AUTS2: variants seen among roughly 807,000 people sequenced by gnomAD.
AUTS2 encodes autism susceptibility gene 2 protein.
AUTS2 carries 17 observed loss-of-function variants against 112.4 expected under a neutral mutation model. The observed-to-expected ratio is 0.15, with a 90% CI of 0.10 to 0.23. The LOEUF (loss-of-function observed/expected upper bound fraction) is 0.23, where lower values mean the gene tolerates loss of function less well. AUTS2 is among the 10% of genes least tolerant of loss of function. The pLI is 1.00. For missense variants in AUTS2, 1,510 were observed against 1,701.6 expected, an observed-to-expected ratio of 0.89 and a Z score of 1.98; for synonymous variants, 751 against 702.7, an observed-to-expected ratio of 1.07 and a Z score of -1.09.
At chr7:69,944,481 A>G (rs1796737122) in intron 2 of AUTS2, among the ~76,000 whole-genome samples, 1 of 152,144 alleles carries the variant, frequency 6.6e-6, no homozygotes, top group African/African-American at 2.4e-5. Flanking sequence ...GAAGACATAT[A>G]TATTTAGGGT....
At chr7:70,340,676 T>C (rs1025115843) in intron 4 of AUTS2, among the ~76,000 whole-genome samples, 1 of 152,216 alleles carries the variant, frequency 6.6e-6, no homozygotes. Flanking sequence ...TACTTGAACA[T>C]GTATGAATCT....
intron 4 of AUTS2, among the ~76,000 whole-genome samples, chr7:70,208,475 T>C (rs1020555469): frequency 3.9e-5 from 6 of 152,130 alleles, no homozygotes; most frequent in Non-Finnish European, 4.4e-5. Context: ...CTTTGTGTGT[T>C]GTGGGCAAAT....
At chr7:70,758,429 A>C (rs529602626) in intron 6 of AUTS2, among the ~76,000 whole-genome samples, 1 of 152,316 alleles carries the variant, frequency 6.6e-6, no homozygotes, top group Admixed American at 6.5e-5. Flanking sequence ...CATTTTCCCC[A>C]GGCAACTTGT....
chr7:69,736,369 CT>C (rs1787032676), intron 1 of AUTS2, among the ~76,000 whole-genome samples: 1 of 152,294 alleles, frequency 6.6e-6, no homozygotes, highest in Middle Eastern at 3.4e-3. Flanking sequence ...TTTGCTTTGA[CT>C]TGGGTATTTC....
chr7:70,524,873 G>A (rs933813936), intron 5 of AUTS2, among the ~76,000 whole-genome samples: 2 of 152,180 alleles, frequency 1.3e-5, no homozygotes, highest in Non-Finnish European at 2.9e-5. Flanking sequence ...CAGTGCAGAC[G>A]CCTCGATGAG....
intron 2 of AUTS2, among the ~76,000 whole-genome samples, chr7:70,099,179 C>G (rs1487561374): frequency 6.6e-6 from 1 of 152,134 alleles, no homozygotes; most frequent in Non-Finnish European, 1.5e-5. Flanking sequence ...CTTTCTCTCT[C>G]TTTTCCTTTC....
At chr7:70,683,530 A>G (rs1808310262) in intron 5 of AUTS2, among the ~76,000 whole-genome samples, 1 of 152,238 alleles carries the variant, frequency 6.6e-6, no homozygotes, top group South Asian at 2.1e-4. Context: ...CCCTAAAGGA[A>G]TGGCAGTGTC....
At chr7:70,593,081 C>T (rs1273844877) in intron 5 of AUTS2, among the ~76,000 whole-genome samples, 1 of 151,784 alleles carries the variant, frequency 6.6e-6, no homozygotes, top group African/African-American at 2.4e-5. Context: ...GAACTCCTGG[C>T]CTCAAGCGAT....
intron 2 of AUTS2, among the ~76,000 whole-genome samples, chr7:70,033,198 A>T (rs1395584823): frequency 1.3e-5 from 2 of 152,226 alleles, no homozygotes; most frequent in African/African-American, 4.8e-5. Flanking sequence ...TGCAAATTAC[A>T]TCTTAATAAA....
At chr7:70,378,595 G>C (rs913487318) in intron 4 of AUTS2, among the ~76,000 whole-genome samples, 2 of 152,184 alleles carry the variant, frequency 1.3e-5, no homozygotes, top group African/African-American at 4.8e-5. Context: ...ACTTGCTTAA[G>C]TTCACACAGC....
At chr7:69,939,297 A>C (rs1796534572) in intron 2 of AUTS2, among the ~76,000 whole-genome samples, 1 of 152,198 alleles carries the variant, frequency 6.6e-6, no homozygotes. Flanking sequence ...CCTTATAGAA[A>C]TATTTTAAAG....
chr7:69,927,483 C>T (rs1796066623), intron 2 of AUTS2, among the ~76,000 whole-genome samples: 1 of 152,096 alleles, frequency 6.6e-6, no homozygotes, highest in Admixed American at 6.5e-5. Flanking sequence ...TTCACAGGAT[C>T]CTTAGGGTGT....
chr7:70,059,540 A>G (rs1427942200), intron 2 of AUTS2, among the ~76,000 whole-genome samples: 2 of 152,136 alleles, frequency 1.3e-5, no homozygotes, highest in African/African-American at 4.8e-5. Context: ...AATATTACAG[A>G]GCTATTGCAA....
intron 5 of AUTS2, among the ~76,000 whole-genome samples, chr7:70,673,977 A>G (rs1807779219): frequency 1.3e-5 from 2 of 152,246 alleles, no homozygotes; most frequent in African/African-American, 4.8e-5. Flanking sequence ...CCTGAGCTTC[A>G]GAGATGACAG....
At chr7:70,351,684 ACTTTTT>A (rs1430192769) in intron 4 of AUTS2, among the ~76,000 whole-genome samples, 3 of 152,006 alleles carry the variant, frequency 2.0e-5, no homozygotes, top group African/African-American at 7.2e-5. Flanking sequence ...ATAAGTGTTG[ACTTTTT>A]CTTTTTCTTT....
At chr7:70,148,892 T>C (rs1397880220) in intron 4 of AUTS2, among the ~76,000 whole-genome samples, 1 of 152,092 alleles carries the variant, frequency 6.6e-6, no homozygotes, top group Non-Finnish European at 1.5e-5. Context: ...AAAGAATGTT[T>C]TACACAAAAC....
chr7:70,245,228 C>T (rs141721834), intron 4 of AUTS2, among the ~76,000 whole-genome samples: 2 of 149,768 alleles, frequency 1.3e-5, no homozygotes, highest in Non-Finnish European at 3.0e-5. Context: ...AGAAGTATTG[C>T]AGTTTTTTAA....
intron 4 of AUTS2, among the ~76,000 whole-genome samples, chr7:70,181,902 A>T (rs1312438067): frequency 6.8e-6 from 1 of 146,370 alleles, no homozygotes; most frequent in Non-Finnish European, 1.5e-5. Context: ...GGTTCACGCC[A>T]TTCTCCTGCC....
chr7:69,969,341 A>G (rs777715083), intron 2 of AUTS2, among the ~76,000 whole-genome samples: 1 of 152,210 alleles, frequency 6.6e-6, no homozygotes, highest in Non-Finnish European at 1.5e-5. Flanking sequence ...CAACCAAACA[A>G]GCAGAGAATG....
Sources: gnomAD v4.1 joint callset for allele counts (sites outside exome capture counted in the v4.1 genomes callset) on GRCh38, gnomAD v4.1.1 for gene constraint, MANE v1.5 for transcripts, NCBI Gene and HGNC (gene_info 2026-07-23, HGNC 2026-07-21) for gene names.